Variants in ACSM5 observed in about 807,000 individuals in gnomAD.
The protein encoded by ACSM5 is acyl-CoA synthetase medium chain family member 5.
ACSM5 carries 56 observed loss-of-function variants against 71.6 expected under a neutral mutation model. The ratio of observed to expected loss-of-function variants is 0.78; its 90% CI spans 0.63 to 0.98. The LOEUF (loss-of-function observed/expected upper bound fraction) is 0.98, where lower values mean the gene tolerates loss of function less well. ACSM5 is among the 50% of genes least tolerant of loss of function. ACSM5 has a pLI of 0.00. For synonymous variants in ACSM5, 285 were observed against 281.5 expected, an observed-to-expected ratio of 1.01 and a Z score of -0.12; for missense variants, 723 against 726.0, an observed-to-expected ratio of 1.00 and a Z score of 0.05.
chr16:20,427,107 C>T (rs1195151011), intron 6 of ACSM5, among the ~76,000 whole-genome samples: 5 of 151,858 alleles, frequency 3.3e-5, no homozygotes, highest in African/African-American at 1.2e-4. Context: ...TAAAGACCAG[C>T]CTGGCCAGGA....
chr16:20,422,606 G>T (rs1213265207), intron 5 of ACSM5, among the ~76,000 whole-genome samples: 1 of 152,016 alleles, frequency 6.6e-6, no homozygotes, highest in East Asian at 1.9e-4. Context: ...AATTTTTTTT[G>T]AGAAGCATTG....
At chr16:20,436,832 C>G (rs575436154) in intron 10 of ACSM5, among the ~76,000 whole-genome samples, 34 of 152,240 alleles carry the variant, frequency 2.2e-4, no homozygotes, top group Non-Finnish European at 4.1e-4. Flanking sequence ...TGCCCTTAAC[C>G]ATTGGCTGGC....
At position 20,411,482 on chromosome 16, in the gene ACSM5, T is replaced by C. The variant is rs750022812; in HGVS notation, c.-3T>C. On this transcript the variant is annotated 5_prime_UTR_variant, in exon 2 of 14. Transcript: ENST00000331849. ...TCTTTGGTGACAGACAGGAGGCGAC[T>C]GCATGAGACCATGGCTGAGACACCT... 1.6e-5 allele frequency: 26 copies of C among 1,613,714 alleles called. No individual in the cohort carries two copies. Among genetic ancestry groups the C allele is most frequent in the African/African-American group, 8.0e-5 (6 of 74,936 alleles).
At chr16:20,437,512 C>T in intron 12 of ACSM5, 145 bp downstream of exon 12, 1 of 662,968 alleles carries the variant, frequency 1.5e-6, no homozygotes, top group Non-Finnish European at 2.6e-6. Flanking sequence ...CACACGTTGC[C>T]TTCATGTCTT....
chr16:20,435,469 G>A (rs1967172994), intron 10 of ACSM5, among the ~76,000 whole-genome samples: 2 of 152,028 alleles, frequency 1.3e-5, no homozygotes, highest in Admixed American at 1.3e-4. Flanking sequence ...TTTCTCAGAA[G>A]GTCCTTGTTG....
At chr16:20,438,267 C>T (rs934309007) in intron 12 of ACSM5, among the ~76,000 whole-genome samples, 1 of 151,970 alleles carries the variant, frequency 6.6e-6, no homozygotes, top group Non-Finnish European at 1.5e-5. Context: ...GTTAGTGCAA[C>T]ATTAGCCTGC....
At chr16:20,424,514 C>T (rs969183611) in intron 6 of ACSM5, among the ~76,000 whole-genome samples, 2 of 151,694 alleles carry the variant, frequency 1.3e-5, no homozygotes, top group African/African-American at 2.4e-5. Context: ...ATTGGTGGCC[C>T]CAGTCAAGAC....
At chr16:20,436,659 C>T (rs1185784782) in intron 10 of ACSM5, among the ~76,000 whole-genome samples, 2 of 152,158 alleles carry the variant, frequency 1.3e-5, no homozygotes, top group African/African-American at 4.8e-5. Flanking sequence ...GATGAGCCAC[C>T]ACACCCGGCC....
chr16:20,440,459 G>A lies in ACSM5; in HGVS notation c.*32G>A, dbSNP rs765257654. The A allele has an allele frequency of 9.5e-6, 15 of 1,574,902 alleles. No homozygotes were observed. Among genetic ancestry groups the A allele is most frequent in the South Asian group, 3.3e-5 (3 of 90,392 alleles). ...CCCCAGGAAGGCCCCGTAGACCTCC[G>A]AAGACTCCACAAGAAACTAATGGAT... On this transcript the variant is annotated 3_prime_UTR_variant, in exon 14 of 14. Coordinates refer to ENST00000331849, the MANE Select transcript of ACSM5 (RefSeq NM_017888.3).
chr16:20,440,186 T>C (rs1244602049), intron 13 of ACSM5, 158 bp from the exon 14 acceptor site: 12 of 666,760 alleles, frequency 1.8e-5, no homozygotes, highest in Non-Finnish European at 3.2e-5. Context: ...GATCCTGTGC[T>C]CCAGGCTCCA....
intron 5 of ACSM5, among the ~76,000 whole-genome samples, chr16:20,421,931 AT>A (rs996931840): frequency 1.1e-4 from 17 of 151,592 alleles, no homozygotes; most frequent in Admixed American, 1.1e-3. Flanking sequence ...TACTCTAGGT[AT>A]TTCGTGTAAC....
Position 20,433,964 on chromosome 16 carries a change from A to T in ACSM5, c.1308+2643A>T, listed in dbSNP as rs7185262. Among the ~76,000 whole-genome samples the T allele has an allele frequency of 5.1e-3, 771 of 151,974 alleles. 6 individuals are homozygous for T. The highest frequency in any genetic ancestry group is 0.018 in the African/African-American group (733 of 41,460). On this transcript the variant is annotated intron_variant, in intron 10 of 13. Coordinates refer to ENST00000331849, the MANE Select transcript of ACSM5 (RefSeq NM_017888.3). ...AATGCTATGATTACAGGCATGAGCC[A>T]CCACTCCCAGCCTATAGGAGTTCTT...
chr16:20,416,205 G>A (rs563673697), intron 2 of ACSM5, among the ~76,000 whole-genome samples: 1 of 150,466 alleles, frequency 6.6e-6, no homozygotes, highest in Admixed American at 6.7e-5. Context: ...AATCCTAGGA[G>A]ACTTGTTTAC....
chr16:20,413,681 T>G (rs1198174898), intron 2 of ACSM5, among the ~76,000 whole-genome samples: 2 of 152,214 alleles, frequency 1.3e-5, no homozygotes, highest in African/African-American at 4.8e-5. Flanking sequence ...CACACCTAAG[T>G]AAGGCTGTGT....
chr16:20,421,275 A>T lies in ACSM5; in HGVS notation c.641A>T (p.His214Leu), dbSNP rs199607494. 1.9e-6 allele frequency: 3 copies of T among 1,603,396 alleles called. No homozygotes were observed. In the East Asian group the frequency reaches 6.8e-5, roughly 36 times the overall value. Residue 214 changes from histidine to leucine, a missense_variant, in exon 5 of 14, where the codon CAC (histidine) becomes CTC (leucine). Coordinates refer to ENST00000331849, the MANE Select transcript of ACSM5 (RefSeq NM_017888.3). ...TTTTACAGGGAGGCTTCTACAGAGC[A>T]CAACTGCATGAGGACAAAGAGTCGA... ...RELLREASTE[H>L]NCMRTKSRDP... is the part of the protein sequence containing the mutation.
intron 2 of ACSM5, among the ~76,000 whole-genome samples, chr16:20,413,713 C>T (rs1356036868): frequency 1.1e-4 from 17 of 152,156 alleles, no homozygotes; most frequent in African/African-American, 1.9e-4. Context: ...GCTTTGCACA[C>T]GCTTAGAAAA....
chr16:20,432,967 C>T (rs1017153083), intron 10 of ACSM5, among the ~76,000 whole-genome samples: 30 of 149,044 alleles, frequency 2.0e-4, no homozygotes, highest in African/African-American at 7.2e-4. Flanking sequence ...AAGCAACTCT[C>T]GCGCTCCAGT....
At chr16:20,427,243 T>G (rs1967000126) in intron 6 of ACSM5, among the ~76,000 whole-genome samples, 1 of 152,128 alleles carries the variant, frequency 6.6e-6, no homozygotes, top group African/African-American at 2.4e-5. Flanking sequence ...GAGGTTGCAG[T>G]GAGCTGAGAT....
chr16:20,414,578 T>A lies in ACSM5; in HGVS notation c.204+2890T>A, dbSNP rs149368301. Among the ~76,000 whole-genome samples the A allele has an allele frequency of 1.3e-4, 20 of 152,352 alleles. No homozygotes were observed. In the East Asian group the frequency reaches 3.7e-3, roughly 28 times the overall value. ...GAACTATAAGGCTGTATATTTGTGT[T>A]GTTTTATGCAATTAAGTTTGTGATA... On this transcript the variant is annotated intron_variant, in intron 2 of 13. Transcript: ENST00000331849.
Sources: allele counts gnomAD v4.1 joint callset (sites outside exome capture counted in the v4.1 genomes callset), GRCh38; gene constraint gnomAD v4.1.1; transcripts MANE v1.5; gene names NCBI Gene and HGNC (gene_info 2026-07-23, HGNC 2026-07-21).